G6PC1: variants seen among roughly 807,000 people sequenced by gnomAD.
The protein encoded by G6PC1 is G-6-Pase.
G6PC1 carries 23 observed loss-of-function variants against 30.4 expected under a neutral mutation model. That is an observed-to-expected ratio of 0.76 (90% CI 0.55 to 1.07). The LOEUF (loss-of-function observed/expected upper bound fraction) is 1.07. G6PC1 is among the 50% of genes least tolerant of loss of function. G6PC1 has a pLI of 0.00. For missense variants in G6PC1, 391 were observed against 433.9 expected, an observed-to-expected ratio of 0.90 and a Z score of 0.88; for synonymous variants, 163 against 175.6, an observed-to-expected ratio of 0.93 and a Z score of 0.57.
At chr17:42,902,686 C>T (rs932104773) in intron 1 of G6PC1, among the ~76,000 whole-genome samples, 1 of 152,186 alleles carries the variant, frequency 6.6e-6, no homozygotes, top group African/African-American at 2.4e-5. Context: ...CACTATTCCA[C>T]CATCACGGGA....
At position 42,909,322 on chromosome 17, in the gene G6PC1, T is replaced by G; in HGVS notation, c.466T>G (p.Trp156Gly). The G allele has an allele frequency of 1.2e-6, 2 of 1,614,062 alleles. No individual in the cohort carries two copies. Among genetic ancestry groups the G allele is most frequent in the Non-Finnish European group, 8.5e-7 (1 of 1,179,902 alleles). The stretch of plus-strand genomic sequence containing the variant: ...TTGCAGGTGCTTGAATGTCATTTTG[T>G]GGTTGGGATTCTGGGCTGTGCAGCT... Reference protein sequence around the residue: ...YRFRCLNVILWLGFWAVQLNV... With the variant: ...YRFRCLNVILGLGFWAVQLNV... The change falls in exon 4 of 5, where the codon TGG (tryptophan) becomes GGG (glycine). Residue 156 changes from tryptophan to glycine, a missense_variant. Trp to Gly is a radical substitution (Grantham distance 184, BLOSUM62 -2). Coordinates refer to ENST00000253801, the MANE Select transcript of G6PC1 (RefSeq NM_000151.4).
In G6PC1 at chr17:42,911,300, C is replaced by T. The variant is rs137978566; in HGVS notation, c.948C>T (p.Ser316=). The change falls in exon 5 of 5, where the codon TCC becomes TCT. Residue 316 remains serine, a synonymous_variant. Coordinates refer to ENST00000253801, the MANE Select transcript of G6PC1 (RefSeq NM_000151.4). ...LHVFDSLKPP[S]QVELVFYVLS... ...TCTTTGACTCCTTGAAACCCCCATCCCAAGTCGAGCTGGTCTTCTACGTCT... is the reference window on the plus strand; with the variant it reads ...TCTTTGACTCCTTGAAACCCCCATCTCAAGTCGAGCTGGTCTTCTACGTCT... The T allele has an allele frequency of 2.5e-6, 4 of 1,614,194 alleles. No individual in the cohort carries two copies. The highest frequency in any genetic ancestry group is 3.3e-5 in the Admixed American group (2 of 60,014).
intron 3 of G6PC1, among the ~76,000 whole-genome samples, chr17:42,908,919 GCTGGTCTCAAACTC>G (rs1396418934): frequency 1.3e-5 from 2 of 151,042 alleles, no homozygotes; most frequent in Admixed American, 6.6e-5. Context: ...TGTTGATCAG[GCTGGTCTCAAACTC>G]CTGACCTCAA....
At chr17:42,904,108 C>A in intron 2 of G6PC1, 68 bp downstream of exon 2, 1 of 1,027,120 alleles carries the variant, frequency 9.7e-7, no homozygotes, top group Non-Finnish European at 1.6e-6. Context: ...ATGAAACTGA[C>A]CTTGAGGGGA....
At position 42,901,009 on chromosome 17, in the gene G6PC1, G is replaced by A. The variant is rs145749644; in HGVS notation, c.133G>A (p.Val45Ile). 1.8e-5 allele frequency: 29 copies of A among 1,614,134 alleles called. No homozygotes were observed. The highest frequency in any genetic ancestry group is 2.7e-5 in the African/African-American group (2 of 75,028). ...VIADLRNAFY[V>I]LFPIWFHLQE... is the part of the protein sequence containing the mutation. ...CGCAGACCTCAGGAATGCCTTCTAC[G>A]TCCTCTTCCCCATCTGGTTCCATCT... is the stretch of plus-strand genomic sequence containing the variant. Residue 45 changes from valine (V) to isoleucine (I), a missense_variant, in exon 1 of 5, where the codon GTC (valine) becomes ATC (isoleucine). Coordinates refer to ENST00000253801, the MANE Select transcript of G6PC1 (RefSeq NM_000151.4).
intron 2 of G6PC1, among the ~76,000 whole-genome samples, chr17:42,905,506 CAAA>C (rs555446125): frequency 7.5e-4 from 50 of 66,510 alleles, no homozygotes; most frequent in African/African-American, 2.5e-3. Flanking sequence ...TGTTTATAGG[CAAA>C]AAAAAAAAAA....
At chr17:42,905,154 G>A (rs890338834) in intron 2 of G6PC1, among the ~76,000 whole-genome samples, 4 of 151,364 alleles carry the variant, frequency 2.6e-5, no homozygotes, top group African/African-American at 4.9e-5. Context: ...GGCCAGGCAC[G>A]GTGGCTCACC....
In G6PC1 at chr17:42,906,332, G is replaced by C. The variant is rs75745587; in HGVS notation, c.341-1191G>C. Among the ~76,000 whole-genome samples the C allele has an allele frequency of 9.2e-5, 14 of 152,232 alleles. No individual in the cohort carries two copies. The East Asian group carries it at 2.7e-3, about 29-fold the overall frequency. On this transcript the variant is annotated intron_variant, in intron 2 of 4. Transcript: ENST00000253801. ...ATTCTGCCTCATCCAACCCCACAGC[G>C]AGCTCTGAAGCTGGGGATGGCTCCT...
At chr17:42,903,849 G>A in intron 1 of G6PC1, 82 bp from the exon 2 acceptor site, 1 of 925,414 alleles carries the variant, frequency 1.1e-6, no homozygotes, top group South Asian at 1.3e-5. Context: ...ATCCTTCTCA[G>A]GCTACACTCT....
intron 1 of G6PC1, among the ~76,000 whole-genome samples, chr17:42,903,132 A>C (rs1458355488): frequency 7.3e-6 from 1 of 136,172 alleles, no homozygotes; most frequent in Non-Finnish European, 1.5e-5. Flanking sequence ...CCCAGCCTGT[A>C]GTGCAGTGGC....
chr17:42,909,184 T>G lies in G6PC1; in HGVS notation c.447-119T>G, dbSNP rs567279632. On this transcript the variant is annotated intron_variant, in intron 3 of 4. Transcript: ENST00000253801. ...TGGACTTTTGAGTACTGGCTTTAAT[T>G]TACAAAAATTCCACTGAGAGCACCT... The G allele has an allele frequency of 5.9e-5, 49 of 825,320 alleles. No homozygotes were observed. The East Asian group carries it at 8.0e-4, about 13-fold the overall frequency. 51.1% of individuals were successfully genotyped at this position (825,320 alleles called of 1,614,324 possible).
At chr17:42,902,887 G>A (rs79574839) in intron 1 of G6PC1, among the ~76,000 whole-genome samples, 3 of 152,072 alleles carry the variant, frequency 2.0e-5, no homozygotes, top group Non-Finnish European at 4.4e-5. Flanking sequence ...TTTCCCTGGG[G>A]GGGGCTCGTC....
Position 42,911,571 on chromosome 17 carries a change from T to C in G6PC1, c.*145T>C. The C allele has an allele frequency of 7.9e-7, 1 of 1,261,078 alleles. No individual in the cohort carries two copies. Among genetic ancestry groups the C allele is most frequent in the East Asian group, 2.4e-5 (1 of 41,536 alleles). 78.1% of individuals were successfully genotyped at this position (1,261,078 alleles called of 1,614,324 possible). Reference sequence around the variant, plus strand: ...GTGGAATTAAATCACGGATGGCAGATTGGAGGGTCGCCTGGCTTATTCCCA... The same window carrying C: ...GTGGAATTAAATCACGGATGGCAGACTGGAGGGTCGCCTGGCTTATTCCCA... On this transcript the variant is annotated 3_prime_UTR_variant, in exon 5 of 5. Transcript: ENST00000253801.
At chr17:42,901,163 A>G in intron 1 of G6PC1, 57 bp downstream of exon 1, 2 of 1,449,974 alleles carry the variant, frequency 1.4e-6, no homozygotes, top group East Asian at 2.3e-5. Context: ...TCGCTCTCGC[A>G]ATGTCTGTCC....
In G6PC1 at chr17:42,911,303, A is replaced by G. The variant is rs1327595228; in HGVS notation, c.951A>G (p.Gln317=). 1.2e-6 allele frequency: 2 copies of G among 1,614,100 alleles called. No individual in the cohort carries two copies. The highest frequency in any genetic ancestry group is 1.1e-5 in the South Asian group (1 of 91,080). Residue 317 remains glutamine (Q), a synonymous_variant, in exon 5 of 5, where the codon CAA becomes CAG. Coordinates refer to ENST00000253801, the MANE Select transcript of G6PC1 (RefSeq NM_000151.4). ...HVFDSLKPPS[Q]VELVFYVLSF... is the part of the protein sequence containing the mutation. ...TTGACTCCTTGAAACCCCCATCCCA[A>G]GTCGAGCTGGTCTTCTACGTCTTGT...
chr17:42,907,888 A>C (rs161625), intron 3 of G6PC1, among the ~76,000 whole-genome samples: 21,588 of 152,142 alleles, frequency 0.14, 2,299 homozygotes, highest in African/African-American at 0.29. Context: ...TTATAAAAAT[A>C]AGGTAGTGAA....
rs2056113932 is a variant in G6PC1 at position 42,914,405 on chromosome 17, CAGAT to C, written c.*2981_*2984del. On this transcript the variant is annotated 3_prime_UTR_variant, in exon 5 of 5. Transcript: ENST00000253801. The stretch of plus-strand genomic sequence containing the variant: ...TTATGAGGTTGATAAGAAAACATAA[CAGAT>C]AAAGTTTATTGAGTGCTAACTTTAT... Among the ~76,000 whole-genome samples, 1 of 152,204 alleles carries C rather than the reference CAGAT, an allele frequency of 6.6e-6. No individual in the cohort carries two copies. The highest frequency in any genetic ancestry group is 1.5e-5 in the Non-Finnish European group (1 of 68,032).
At chr17:42,904,471 T>G (rs886878729) in intron 2 of G6PC1, among the ~76,000 whole-genome samples, 2 of 152,136 alleles carry the variant, frequency 1.3e-5, no homozygotes, top group Non-Finnish European at 2.9e-5. Context: ...AATCAAATGA[T>G]AGATTTCATT....
At chr17:42,904,082 C>G (rs116797100) in intron 2 of G6PC1, 42 bp downstream of exon 2, 1 of 1,312,604 alleles carries the variant, frequency 7.6e-7, no homozygotes, top group African/African-American at 1.5e-5. Flanking sequence ...GAGTGGACCT[C>G]GTTTACCTGT....
Sources: gnomAD v4.1 joint callset for allele counts (sites outside exome capture counted in the v4.1 genomes callset) on GRCh38, gnomAD v4.1.1 for gene constraint, MANE v1.5 for transcripts, NCBI Gene and HGNC (gene_info 2026-07-23, HGNC 2026-07-21) for gene names.